The following PIK3R5 variants were observed in gnomAD, a reference collection of about 807,000 sequenced individuals.
PIK3R5 encodes the protein phosphoinositide 3-kinase regulatory subunit 5.
A neutral mutation model predicts 94.9 loss-of-function variants in PIK3R5; 32 were observed. The ratio of observed to expected loss-of-function variants is 0.34; its 90% CI spans 0.25 to 0.45. PIK3R5 has a LOEUF of 0.45. Ranked by LOEUF, PIK3R5 falls within the 20% of genes least tolerant of loss-of-function variation. The pLI is 1.00. For synonymous variants in PIK3R5, 443 were observed against 479.4 expected (o/e 0.92, Z 0.99); for missense variants, 853 against 1,144.6 (o/e 0.75, Z 3.68).
Position 8,930,235 on chromosome 17 carries a change from TAC to T in PIK3R5, c.-13-18730_-13-18729del, listed in dbSNP as rs561010213. Among the ~76,000 whole-genome samples the T allele has an allele frequency of 2.6e-4, 39 of 152,276 alleles. 1 individual carries two copies. In the South Asian group the frequency reaches 8.1e-3, roughly 32 times the overall value. On this transcript the variant is annotated intron_variant, in intron 1 of 18. Coordinates refer to ENST00000447110, the MANE Select transcript of PIK3R5 (RefSeq NM_001142633.3). ...AATTACTTAAAAATAACTGAAATCA[TAC>T]AGAGTGCATTCTATGACCACAATGG...
Position 8,881,521 on chromosome 17 carries a change from G to T in PIK3R5, c.2382+109C>A. 1 of 864,954 alleles carries T rather than the reference G, an allele frequency of 1.2e-6. No individual in the cohort carries two copies. Among genetic ancestry groups the T allele is most frequent in the Non-Finnish European group, 1.9e-6 (1 of 526,874 alleles). The allele number at this position is 864,954 out of a possible 1,614,324, so 53.6% of individuals were successfully genotyped here. ...CAAGTATGTACACACGGGTGTGTAT[G>T]TGCACACATGCACACACATACATGT... On this transcript the variant is annotated intron_variant, in intron 17 of 18. Coordinates refer to ENST00000447110, the MANE Select transcript of PIK3R5 (RefSeq NM_001142633.3). The surrounding 1 kb of genome is among the most constrained non-coding windows in gnomAD (Gnocchi z 4.8).
chr17:8,890,238 T>G lies in PIK3R5; in HGVS notation c.658-112A>C. On this transcript the variant is annotated intron_variant, in intron 7 of 18. Coordinates refer to ENST00000447110, the MANE Select transcript of PIK3R5 (RefSeq NM_001142633.3). This position sits in a 1 kb window ranked among gnomAD's most constrained non-coding sequence, Gnocchi z 6.1. ...GGCAGTGATCTGTCCCCTCCCAGCC[T>G]CATCACCCATCTCCTACCCACAGCT... 9.2e-7 allele frequency: 1 copy of G among 1,081,476 alleles called. No homozygotes were observed. The highest frequency in any genetic ancestry group is 2.1e-4 in the Middle Eastern group (1 of 4,838). 67.0% of individuals were successfully genotyped at this position (1,081,476 alleles called of 1,614,324 possible).
At chr17:8,937,851 C>T (rs1200138670) in intron 1 of PIK3R5, among the ~76,000 whole-genome samples, 3 of 152,056 alleles carry the variant, frequency 2.0e-5, no homozygotes, top group Non-Finnish European at 4.4e-5. Flanking sequence ...CTCTTGTTGC[C>T]CAGGCTGGAG....
chr17:8,893,735 C>A lies in PIK3R5; in HGVS notation c.413-80G>T. ...CGTGTGCCTCGTGGGGAGCCAAGCA[C>A]TGGACAATCAGGTTGGAAATTCCCG... is the stretch of plus-strand genomic sequence containing the variant. On this transcript the variant is annotated intron_variant, in intron 5 of 18. Coordinates refer to ENST00000447110, the MANE Select transcript of PIK3R5 (RefSeq NM_001142633.3). The surrounding 1 kb of genome is among the most constrained non-coding windows in gnomAD (Gnocchi z 5.1). The A allele has an allele frequency of 9.2e-7, 1 of 1,091,700 alleles. No individual in the cohort carries two copies. Among genetic ancestry groups the A allele is most frequent in the Non-Finnish European group, 1.4e-6 (1 of 713,548 alleles). The allele number at this position is 1,091,700 out of a possible 1,614,324, so 67.6% of individuals were successfully genotyped here. A position where few individuals can be genotyped will look rare whatever the true frequency, so the allele number is the denominator to read the frequency against.
chr17:8,906,180 G>A (rs57089476), intron 3 of PIK3R5, among the ~76,000 whole-genome samples: 4,298 of 151,796 alleles, frequency 0.028, 234 homozygotes, highest in African/African-American at 0.098. Flanking sequence ...GACAGGCCCC[G>A]GTGTGTGATG....
chr17:8,934,674 G>A (rs1445168477), intron 1 of PIK3R5, among the ~76,000 whole-genome samples: 5 of 152,184 alleles, frequency 3.3e-5, no homozygotes, highest in South Asian at 2.1e-4. Context: ...TAGGGCTACA[G>A]TAATCAAGAC....
chr17:8,951,272 C>A (rs1000220914), intron 1 of PIK3R5, among the ~76,000 whole-genome samples: 1 of 152,092 alleles, frequency 6.6e-6, no homozygotes, highest in East Asian at 1.9e-4. Flanking sequence ...CAGTTTTGTG[C>A]GTACAGTTCT....
In PIK3R5 at chr17:8,886,555, C is replaced by A. The variant is rs200687686; in HGVS notation, c.1956G>T (p.Leu652=). 3.5e-5 allele frequency: 57 copies of A among 1,612,194 alleles called. No homozygotes were observed. In the East Asian group the frequency reaches 1.2e-3, roughly 33 times the overall value. Residue 652 remains leucine, a synonymous_variant, in exon 13 of 19, where the codon CTG becomes CTT. Coordinates refer to ENST00000447110, the MANE Select transcript of PIK3R5 (RefSeq NM_001142633.3). The part of the protein sequence containing the change: ...AQALEGSPTQ[L]PILADMLLYY... ...AGAGTAGCATGTCAGCCAGGATGGG[C>A]AGCTGGGTTGGGGAGCCCTCCAGGG... is the stretch of plus-strand genomic sequence containing the variant.
rs2089978390 is a variant in PIK3R5 at position 8,889,820 on chromosome 17, C to G, written c.811+153G>C. Among the ~76,000 whole-genome samples the G allele has an allele frequency of 6.6e-6, 1 of 152,064 alleles. No homozygotes were observed. The highest frequency in any genetic ancestry group is 1.5e-5 in the Non-Finnish European group (1 of 67,990). ...CCCCTATAGACAGGAATGAGACACCCTAGGGGATGGCAGAGCAGTGAGATG... is the reference window on the plus strand; with the variant it reads ...CCCCTATAGACAGGAATGAGACACCGTAGGGGATGGCAGAGCAGTGAGATG... On this transcript the variant is annotated intron_variant, in intron 8 of 18. Coordinates refer to ENST00000447110, the MANE Select transcript of PIK3R5 (RefSeq NM_001142633.3). The surrounding 1 kb of genome is among the most constrained non-coding windows in gnomAD (Gnocchi z 4.1).
intron 1 of PIK3R5, among the ~76,000 whole-genome samples, chr17:8,956,572 C>T (rs1727529791): frequency 6.6e-6 from 1 of 152,234 alleles, no homozygotes; most frequent in South Asian, 2.1e-4. Flanking sequence ...ATTACATCTC[C>T]TATTCCCATC....
chr17:8,952,922 A>G (rs1411350366), intron 1 of PIK3R5, among the ~76,000 whole-genome samples: 2 of 152,132 alleles, frequency 1.3e-5, no homozygotes, highest in African/African-American at 4.8e-5. Context: ...TATGATTACC[A>G]TGGCTGCAAC....
At chr17:8,910,752 C>T (rs1242789928) in intron 2 of PIK3R5, among the ~76,000 whole-genome samples, 6 of 152,144 alleles carry the variant, frequency 3.9e-5, no homozygotes, top group Non-Finnish European at 8.8e-5. Context: ...TGCAAAGGTG[C>T]TGAGGTACGG....
rs2091453765 is a variant in PIK3R5 at position 8,955,505 on chromosome 17, T to G, written c.-14+10091A>C. 1.3e-5 allele frequency among the ~76,000 whole-genome samples: 2 copies of G among 152,146 alleles called. No homozygotes were observed. The highest frequency in any genetic ancestry group is 4.1e-4 in the South Asian group (2 of 4,830). On this transcript the variant is annotated intron_variant, in intron 1 of 18. Transcript: ENST00000447110. The surrounding 1 kb of genome is among the most constrained non-coding windows in gnomAD (Gnocchi z 4.4). The stretch of plus-strand genomic sequence containing the variant: ...GAACAGAAGACTAAGGACTCTGGAC[T>G]CTCCCTAAGCAGTGGGGTGCCATCA...
At chr17:8,940,631 C>T (rs1267623917) in intron 1 of PIK3R5, among the ~76,000 whole-genome samples, 5 of 152,168 alleles carry the variant, frequency 3.3e-5, no homozygotes, top group East Asian at 3.8e-4. Context: ...GGTGCAATCT[C>T]GGCTCTGCAA....
At chr17:8,947,184 GGCAGAATCTTTGCCTGGATA>G (rs2091288448) in intron 1 of PIK3R5, among the ~76,000 whole-genome samples, 1 of 152,208 alleles carries the variant, frequency 6.6e-6, no homozygotes, top group Non-Finnish European at 1.5e-5. Context: ...GTTTAGGACT[GGCAGAATCTTTGCCTGGATA>G]GCAGCTTGGT....
chr17:8,948,553 C>T (rs1277320026), intron 1 of PIK3R5, among the ~76,000 whole-genome samples: 6 of 152,184 alleles, frequency 3.9e-5, no homozygotes, highest in Non-Finnish European at 7.3e-5. Flanking sequence ...GGCCACTAAA[C>T]ATGTGGAGAG....
chr17:8,911,627 G>A lies in PIK3R5; in HGVS notation c.-13-120C>T, dbSNP rs933314147. On this transcript the variant is annotated intron_variant, in intron 1 of 18. Coordinates refer to ENST00000447110, the MANE Select transcript of PIK3R5 (RefSeq NM_001142633.3). This position sits in a 1 kb window ranked among gnomAD's most constrained non-coding sequence, Gnocchi z 5.3. ...ATCAGCCCAGCCCAGCTATAGCTCA[G>A]GTGCTGTGGAAACAGGACCAGGGGC... 21 of 653,096 alleles carry A rather than the reference G, an allele frequency of 3.2e-5. No individual in the cohort carries two copies. Among genetic ancestry groups the A allele is most frequent in the Non-Finnish European group, 5.0e-5 (19 of 380,374 alleles). The allele number at this position is 653,096 out of a possible 1,614,324, so 40.5% of individuals were successfully genotyped here.
Position 8,907,164 on chromosome 17 carries a change from C to T in PIK3R5, c.205-1427G>A, listed in dbSNP as rs533089086. On this transcript the variant is annotated intron_variant, in intron 3 of 18. Transcript: ENST00000447110. ...TCAGCCTCCCAAGTAGGTGGGATTA[C>T]AAGCACGTGCCACCATACCCAGCTA... 3.3e-5 allele frequency among the ~76,000 whole-genome samples: 5 copies of T among 152,024 alleles called. 1 individual carries two copies. The East Asian group carries it at 5.8e-4, about 18-fold the overall frequency.
rs1016075436 is a variant in PIK3R5, at chr17:8,935,055, G to A, written c.-13-23548C>T. Among the ~76,000 whole-genome samples the A allele has an allele frequency of 6.6e-6, 1 of 152,094 alleles. No homozygotes were observed. Among genetic ancestry groups the A allele is most frequent in the Non-Finnish European group, 1.5e-5 (1 of 68,012 alleles). ...TGTGGATCTTAATATGCATTCTTCT[G>A]TCTTCCATTTCCAGGTCACTTCTTC... On this transcript the variant is annotated intron_variant, in intron 1 of 18. Coordinates refer to ENST00000447110, the MANE Select transcript of PIK3R5 (RefSeq NM_001142633.3). This position sits in a 1 kb window ranked among gnomAD's most constrained non-coding sequence, Gnocchi z 4.5.
Sources: gnomAD v4.1 joint callset for allele counts (sites outside exome capture counted in the v4.1 genomes callset) on GRCh38, gnomAD v4.1.1 for gene constraint, Gnocchi (gnomAD v3.1) non-coding constraint, MANE v1.5 for transcripts, NCBI Gene and HGNC (gene_info 2026-07-23, HGNC 2026-07-21) for gene names.